SLC44A5: variants seen among roughly 807,000 people sequenced by gnomAD.
SLC44A5 encodes solute carrier family 44 member 5.
A neutral mutation model predicts 101.8 loss-of-function variants in SLC44A5; 57 were observed. The ratio of observed to expected loss-of-function variants is 0.56; its 90% CI spans 0.45 to 0.70. The LOEUF (loss-of-function observed/expected upper bound fraction) is 0.70, where lower values mean the gene tolerates loss of function less well. Among genes scored for constraint, SLC44A5 ranks in the 30% least tolerant of loss-of-function variants. The probability of loss-of-function intolerance (pLI) is 0.00; values close to 1 mark genes in which losing one functional copy is unlikely to be tolerated. For synonymous variants in SLC44A5, 281 were observed against 290.9 expected (o/e 0.97, Z 0.35); for missense variants, 737 against 853.1 (o/e 0.86, Z 1.70).
At chr1:75,253,966 C>T (rs1649793449) in intron 6 of SLC44A5, among the ~76,000 whole-genome samples, 1 of 151,936 alleles carries the variant, frequency 6.6e-6, no homozygotes, top group Admixed American at 6.6e-5. Flanking sequence ...GTCTTAGAAT[C>T]ATCATTAGTA....
chr1:75,471,481 G>A (rs1376262473), intron 2 of SLC44A5, among the ~76,000 whole-genome samples: 1 of 151,958 alleles, frequency 6.6e-6, no homozygotes, highest in Admixed American at 6.6e-5. Context: ...GACATAAGCA[G>A]CTTCCAAAGC....
At chr1:75,236,915 T>C in intron 11 of SLC44A5, 72 bp downstream of exon 11, 1 of 778,144 alleles carries the variant, frequency 1.3e-6, no homozygotes, top group South Asian at 2.2e-5. Flanking sequence ...AATATAAAAT[T>C]TGAAGAAAGA....
the SLC44A5 span, among the ~76,000 whole-genome samples, chr1:75,678,274 C>T: frequency 6.6e-6 from 1 of 152,178 alleles, no homozygotes; most frequent in East Asian, 1.9e-4. Flanking sequence ...CTCAAGGAGG[C>T]CTGCCTGCCT....
intron 1 of SLC44A5, among the ~76,000 whole-genome samples, chr1:75,600,142 T>C (rs1485590662): frequency 1.3e-5 from 2 of 152,234 alleles, no homozygotes; most frequent in Admixed American, 6.5e-5. Context: ...GAAAAGTAGA[T>C]ACTTAGGATC....
chr1:75,582,009 A>G (rs1468326482), intron 1 of SLC44A5: 1 of 560,996 alleles, frequency 1.8e-6, no homozygotes, highest in African/African-American at 1.9e-5. Context: ...ACAGTAATGC[A>G]AACAGACCAA....
intron 2 of SLC44A5, among the ~76,000 whole-genome samples, chr1:75,449,943 GT>G (rs1665806635): frequency 6.6e-6 from 1 of 152,076 alleles, no homozygotes; most frequent in South Asian, 2.1e-4. Flanking sequence ...AGAGGTTGCA[GT>G]AAGCCAAGAT....
At chr1:75,629,703 T>C in the SLC44A5 span, among the ~76,000 whole-genome samples, 1,913 of 152,104 alleles carry the variant, frequency 0.013, 49 homozygotes, top group African/African-American at 0.044. Flanking sequence ...CAAAAATAAA[T>C]ACATATGAGA....
chr1:75,634,038 T>C, the SLC44A5 span, among the ~76,000 whole-genome samples: 4 of 152,166 alleles, frequency 2.6e-5, no homozygotes. Context: ...GATTTGCGTA[T>C]ATTGAACCAG....
At chr1:75,622,593 G>A in the SLC44A5 span, among the ~76,000 whole-genome samples, 1 of 152,186 alleles carries the variant, frequency 6.6e-6, no homozygotes, top group Non-Finnish European at 1.5e-5. Context: ...ATTTCACCAA[G>A]AGAAATGGCA....
chr1:75,261,259 A>G (rs1369128529), intron 6 of SLC44A5, among the ~76,000 whole-genome samples: 1 of 151,768 alleles, frequency 6.6e-6, no homozygotes, highest in Non-Finnish European at 1.5e-5. Context: ...TGATGAACAA[A>G]ATAGTCAGCT....
intron 19 of SLC44A5, among the ~76,000 whole-genome samples, 172 bp downstream of exon 19, chr1:75,215,582 A>G (rs1048208321): frequency 1.3e-5 from 2 of 152,108 alleles, no homozygotes; most frequent in Non-Finnish European, 2.9e-5. Context: ...TTCAGATACT[A>G]TCTCAACTAG....
chr1:75,335,712 G>T (rs1325323658), intron 4 of SLC44A5, among the ~76,000 whole-genome samples: 1 of 152,156 alleles, frequency 6.6e-6, no homozygotes, highest in East Asian at 1.9e-4. Context: ...GTCTCATTAT[G>T]GTGACTATCT....
At chr1:75,722,988 C>A in the SLC44A5 span, among the ~76,000 whole-genome samples, 244 of 152,332 alleles carry the variant, frequency 1.6e-3, 2 homozygotes, top group African/African-American at 5.6e-3. Context: ...AGGCCATAGC[C>A]TGTTTTCTTC....
At chr1:75,365,034 T>C (rs2101133487) in intron 3 of SLC44A5, among the ~76,000 whole-genome samples, 1 of 152,326 alleles carries the variant, frequency 6.6e-6, no homozygotes, top group Non-Finnish European at 1.5e-5. Context: ...AGTTAGGACT[T>C]TCAAAAAGTT....
chr1:75,274,905 T>C (rs936153346), intron 6 of SLC44A5, 53 bp downstream of exon 6: 19 of 1,371,602 alleles, frequency 1.4e-5, no homozygotes, highest in Non-Finnish European at 2.0e-5. Flanking sequence ...AAGTGATATC[T>C]AGGTTCCAGT....
intron 6 of SLC44A5, among the ~76,000 whole-genome samples, chr1:75,251,737 T>C (rs556049367): frequency 4.7e-4 from 71 of 152,336 alleles, no homozygotes; most frequent in Non-Finnish European, 9.1e-4. Context: ...GCTTAGTTTA[T>C]TTTTTGTGCT....
intron 1 of SLC44A5, among the ~76,000 whole-genome samples, chr1:75,583,693 A>G (rs1673830891): frequency 6.6e-6 from 1 of 152,212 alleles, no homozygotes; most frequent in Non-Finnish European, 1.5e-5. Context: ...CTGCTCAGCT[A>G]GATGCAAAGG....
At chr1:75,439,967 A>C (rs1665104320) in intron 2 of SLC44A5, among the ~76,000 whole-genome samples, 1 of 152,180 alleles carries the variant, frequency 6.6e-6, no homozygotes, top group Non-Finnish European at 1.5e-5. Flanking sequence ...CTAAAGATTG[A>C]CAGCACACTT....
rs188390141 is a variant in SLC44A5, at chr1:75,320,923, T to A, written c.101+18659A>T. On this transcript the variant is annotated intron_variant, in intron 4 of 23. Coordinates refer to ENST00000370859, the MANE Select transcript of SLC44A5 (RefSeq NM_001130058.2). ...TGATACATGACCGTGTTTCAGAAAA[T>A]CATGCCAGGACTCTAAGCAAGTGTG... Among the ~76,000 whole-genome samples the A allele has an allele frequency of 1.8e-3, 269 of 152,158 alleles. 3 individuals are homozygous for A. The highest frequency in any genetic ancestry group is 5.9e-3 in the African/African-American group (244 of 41,540).
Sources: allele counts gnomAD v4.1 joint callset (sites outside exome capture counted in the v4.1 genomes callset), GRCh38; gene constraint gnomAD v4.1.1; transcripts MANE v1.5; gene names NCBI Gene and HGNC (gene_info 2026-07-23, HGNC 2026-07-21).